SLC26A7: variants seen among roughly 807,000 people sequenced by gnomAD.
SLC26A7 encodes the protein anion exchange transporter.
A neutral mutation model predicts 82.5 loss-of-function variants in SLC26A7; 59 were observed. The ratio of observed to expected loss-of-function variants is 0.72; its 90% CI spans 0.58 to 0.89. The LOEUF is 0.89. Ranked by LOEUF, SLC26A7 falls within the 40% of genes least tolerant of loss-of-function variation. The pLI, the probability that SLC26A7 is intolerant of heterozygous loss-of-function variation, is 0.00. For synonymous variants in SLC26A7, 271 were observed against 274.3 expected (o/e 0.99, Z 0.12); for missense variants, 820 against 793.0 (o/e 1.03, Z -0.41).
At chr8:91,272,072 G>A (rs1811288155) in intron 2 of SLC26A7, among the ~76,000 whole-genome samples, 1 of 152,136 alleles carries the variant, frequency 6.6e-6, no homozygotes, top group African/African-American at 2.4e-5. Flanking sequence ...GGTTGTTACT[G>A]GCCTCTGTAA....
In SLC26A7 at chr8:91,325,847, A is replaced by G. The variant is rs542477997; in HGVS notation, c.642+7467A>G. On this transcript the variant is annotated intron_variant, in intron 5 of 18. Transcript: ENST00000276609. Reference sequence around the variant, plus strand: ...GTCTAGGGTTGAGGGGACCTGTGTCAAAATCCTGATTTTCTCATTCACAAG... The same window carrying G: ...GTCTAGGGTTGAGGGGACCTGTGTCGAAATCCTGATTTTCTCATTCACAAG... 1.8e-4 allele frequency among the ~76,000 whole-genome samples: 28 copies of G among 152,320 alleles called. No homozygotes were observed. In the Middle Eastern group the frequency reaches 0.01, roughly 56 times the overall value.
intron 2 of SLC26A7, among the ~76,000 whole-genome samples, chr8:91,239,575 A>C (rs1767221653): frequency 6.6e-6 from 1 of 151,956 alleles, no homozygotes; most frequent in Non-Finnish European, 1.5e-5. Context: ...TTCCTAGATC[A>C]GTAATGACAG....
chr8:91,382,980 T>C (rs559887008), intron 15 of SLC26A7, among the ~76,000 whole-genome samples: 2 of 152,200 alleles, frequency 1.3e-5, no homozygotes, highest in East Asian at 3.9e-4. Flanking sequence ...TTAGGGGTAG[T>C]AGAGGCAGGA....
intron 2 of SLC26A7, among the ~76,000 whole-genome samples, chr8:91,242,488 T>A (rs1212229249): frequency 6.6e-6 from 1 of 152,202 alleles, no homozygotes; most frequent in Non-Finnish European, 1.5e-5. Context: ...AAAATTCATA[T>A]GTTAAAGCCC....
At chr8:91,215,780 A>C (rs896764162) in intron 1 of SLC26A7, among the ~76,000 whole-genome samples, 5 of 152,172 alleles carry the variant, frequency 3.3e-5, no homozygotes, top group African/African-American at 1.2e-4. Flanking sequence ...TCTTTGACAA[A>C]ATCATGAGGT....
intron 9 of SLC26A7, chr8:91,344,024 T>C: frequency 2.0e-6 from 2 of 977,492 alleles, no homozygotes; most frequent in Admixed American, 6.2e-5. Flanking sequence ...ATGATGATGA[T>C]GACGATGTTG....
intron 15 of SLC26A7, among the ~76,000 whole-genome samples, chr8:91,387,082 A>G (rs1052773831): frequency 2.0e-5 from 3 of 152,088 alleles, no homozygotes; most frequent in African/African-American, 7.2e-5. Flanking sequence ...TAATTGTTAG[A>G]GATTTTTATA....
intron 6 of SLC26A7, among the ~76,000 whole-genome samples, chr8:91,335,990 G>T (rs1256258088): frequency 1.3e-5 from 2 of 152,086 alleles, no homozygotes; most frequent in Non-Finnish European, 2.9e-5. Flanking sequence ...CTCACTTCCA[G>T]GCTCCAAACA....
chr8:91,254,401 C>G (rs1477256703), intron 2 of SLC26A7, among the ~76,000 whole-genome samples: 1 of 152,140 alleles, frequency 6.6e-6, no homozygotes, highest in Admixed American at 6.6e-5. Flanking sequence ...CACTTTCTAA[C>G]ATATTTTGTT....
intron 2 of SLC26A7, among the ~76,000 whole-genome samples, chr8:91,234,825 C>CTTCCTTCCTTCCTTCCT (rs1267737133): frequency 1.7e-4 from 15 of 86,536 alleles, no homozygotes; most frequent in African/African-American, 7.0e-4. Context: ...ACCTACCTAC[C>CTTCCTTCCTTCCTTCCT]TACTTCCTTC....
intron 3 of SLC26A7, among the ~76,000 whole-genome samples, 193 bp from the exon 4 acceptor site, chr8:91,295,338 A>G (rs555929620): frequency 6.6e-6 from 1 of 152,334 alleles, no homozygotes; most frequent in East Asian, 1.9e-4. Context: ...ATGAATAAGC[A>G]TATATGGAGG....
chr8:91,277,789 C>T (rs1171767140), intron 2 of SLC26A7, among the ~76,000 whole-genome samples: 1 of 152,044 alleles, frequency 6.6e-6, no homozygotes, highest in African/African-American at 2.4e-5. Context: ...TGGTACAAAG[C>T]TAAAATAAAA....
At chr8:91,327,251 C>T (rs181027067) in intron 5 of SLC26A7, among the ~76,000 whole-genome samples, 5 of 152,078 alleles carry the variant, frequency 3.3e-5, no homozygotes, top group African/African-American at 1.2e-4. Flanking sequence ...TGAAGTTATC[C>T]ATGTGATGCA....
chr8:91,363,440 CTTGTT>C (rs2130871160), intron 12 of SLC26A7, 27 bp from the exon 13 acceptor site: 1 of 1,328,846 alleles, frequency 7.5e-7, no homozygotes, highest in Non-Finnish European at 1.1e-6. Flanking sequence ...TAGGAAATGA[CTTGTT>C]TTATTTTCTA....
At chr8:91,327,544 C>G (rs1812967001) in intron 5 of SLC26A7, among the ~76,000 whole-genome samples, 1 of 152,126 alleles carries the variant, frequency 6.6e-6, no homozygotes, top group Non-Finnish European at 1.5e-5. Flanking sequence ...AATGCACTTT[C>G]AAACCAAAGT....
At chr8:91,294,405 C>T (rs1315423356) in intron 3 of SLC26A7, among the ~76,000 whole-genome samples, 1 of 152,048 alleles carries the variant, frequency 6.6e-6, no homozygotes, top group Non-Finnish European at 1.5e-5. Flanking sequence ...ATAGCATGTA[C>T]TGCCTCTCTT....
chr8:91,305,176 A>G (rs1812270848), intron 4 of SLC26A7, among the ~76,000 whole-genome samples: 1 of 152,210 alleles, frequency 6.6e-6, no homozygotes, highest in African/African-American at 2.4e-5. Context: ...TTGAAGAGGA[A>G]AAAGGTCAGT....
At chr8:91,258,775 C>G (rs1284346983) in intron 2 of SLC26A7, among the ~76,000 whole-genome samples, 3 of 152,090 alleles carry the variant, frequency 2.0e-5, no homozygotes, top group Non-Finnish European at 4.4e-5. Flanking sequence ...ATCTTTCTGA[C>G]TCCTGAGCCC....
rs148191272 is a variant in SLC26A7, at chr8:91,231,043, T to A, written c.-34+12038T>A. 4.5e-3 allele frequency among the ~76,000 whole-genome samples: 680 copies of A among 152,280 alleles called. 4 individuals are homozygous for A. The highest frequency in any genetic ancestry group is 0.015 in the African/African-American group (625 of 41,566). ...GAATAGCTGGAAACTTTCCATCTTA[T>A]CTGGGTTTTATCTGGGTATTTATAA... On this transcript the variant is annotated intron_variant, in intron 2 of 5. Coordinates refer to the SLC26A7 transcript ENST00000522862.
Sources: allele counts gnomAD v4.1 joint callset (sites outside exome capture counted in the v4.1 genomes callset), GRCh38; gene constraint gnomAD v4.1.1; transcripts MANE v1.5; gene names NCBI Gene and HGNC (gene_info 2026-07-23, HGNC 2026-07-21).